The following OR52N2 variants were observed in gnomAD, a reference collection of about 807,000 sequenced individuals.
OR52N2 encodes the protein olfactory receptor family 52 subfamily N member 2, also known as olfactory receptor 52N2.
For synonymous variants in OR52N2, 129 were observed against 72.0 expected, an observed-to-expected ratio of 1.79 and a Z score of -4.01; for missense variants, 326 against 196.6, an observed-to-expected ratio of 1.66 and a Z score of -3.94.
chr11:5,815,030 G>A (rs995699639), intron 1 of OR52N2, among the ~76,000 whole-genome samples: 1 of 152,112 alleles, frequency 6.6e-6, no homozygotes, highest in Non-Finnish European at 1.5e-5. Flanking sequence ...GTACAGAAAT[G>A]AAGTTGGACT....
intron 1 of OR52N2, among the ~76,000 whole-genome samples, chr11:5,813,120 A>C (rs1454260104): frequency 6.6e-6 from 1 of 151,952 alleles, no homozygotes; most frequent in Non-Finnish European, 1.5e-5. Context: ...AAAATAATAA[A>C]GATCTCAAAT....
At chr11:5,817,319 A>G (rs564710487) in intron 1 of OR52N2, among the ~76,000 whole-genome samples, 1 of 152,276 alleles carries the variant, frequency 6.6e-6, no homozygotes, top group South Asian at 2.1e-4. Flanking sequence ...AGGTCAAAAT[A>G]TACAATTACT....
In OR52N2 at chr11:5,808,933, G is replaced by A. The variant is rs12363853; in HGVS notation, c.-176G>A. On this transcript the variant is annotated 5_prime_UTR_variant, in exon 1 of 2. Transcript: ENST00000317037. ...TGCACAGAGTTTACCTGGTCACCGC[G>A]GTATTGCAAGCCTCTCCTCCTCGCG... 0.11 allele frequency among the ~76,000 whole-genome samples: 16,223 copies of A among 152,004 alleles called. 1,080 individuals carry two copies. The highest frequency in any genetic ancestry group is 0.25 in the East Asian group (1,266 of 5,122).
At chr11:5,816,345 T>C (rs1448998120) in intron 1 of OR52N2, among the ~76,000 whole-genome samples, 3 of 152,182 alleles carry the variant, frequency 2.0e-5, no homozygotes, top group Non-Finnish European at 4.4e-5. Context: ...ATGTATATTT[T>C]ACTACACTAC....
At chr11:5,816,793 G>C (rs1404907440) in intron 1 of OR52N2, among the ~76,000 whole-genome samples, 1 of 152,082 alleles carries the variant, frequency 6.6e-6, no homozygotes, top group African/African-American at 2.4e-5. Context: ...TGGGATTATA[G>C]GTGTGAGCCA....
rs141215066 is a variant in OR52N2, at chr11:5,817,992, T to C, written c.-54-2290T>C. ...TGATGAAATGTGCACAAAATAATAC[T>C]AGCTGGAGATAGAAACAATGTATAC... On this transcript the variant is annotated intron_variant, in intron 1 of 1. Transcript: ENST00000317037. Among the ~76,000 whole-genome samples the C allele has an allele frequency of 1.3e-3, 193 of 152,294 alleles. 1 individual carries two copies. The highest frequency in any genetic ancestry group is 4.3e-3 in the African/African-American group (179 of 41,582).
At chr11:5,816,565 G>A (rs574732608) in intron 1 of OR52N2, among the ~76,000 whole-genome samples, 11 of 134,846 alleles carry the variant, frequency 8.2e-5, no homozygotes, top group Non-Finnish European at 1.3e-4. Flanking sequence ...TGAGAGACAC[G>A]GTCTCACTCT....
chr11:5,818,924 G>C (rs11039150), intron 1 of OR52N2, among the ~76,000 whole-genome samples: 69,280 of 151,992 alleles, frequency 0.46, 17,293 homozygotes, highest in Non-Finnish European at 0.56. Context: ...ATGAGATCCA[G>C]TCAGGTAGTA....
intron 1 of OR52N2, among the ~76,000 whole-genome samples, chr11:5,812,291 T>C (rs113261696): frequency 2.7e-5 from 4 of 147,156 alleles, no homozygotes; most frequent in South Asian, 2.1e-4. Context: ...TCAGGAGATC[T>C]AGACCATCCT....
chr11:5,813,111 AAAT>A (rs1165484615), intron 1 of OR52N2, among the ~76,000 whole-genome samples: 2 of 151,934 alleles, frequency 1.3e-5, no homozygotes, highest in African/African-American at 2.4e-5. Context: ...TACATCAAAA[AAAT>A]AATAAAGATC....
chr11:5,809,539 C>T (rs1264171278), intron 1 of OR52N2, among the ~76,000 whole-genome samples: 3 of 151,390 alleles, frequency 2.0e-5, no homozygotes, highest in South Asian at 4.2e-4. Flanking sequence ...GGCTGTTTTA[C>T]AGTAACTAAG....
intron 1 of OR52N2, among the ~76,000 whole-genome samples, chr11:5,811,671 A>AAAAACAACAAG (rs1422231128): frequency 6.6e-6 from 1 of 152,192 alleles, no homozygotes; most frequent in African/African-American, 2.4e-5. Flanking sequence ...AAAGAATGTA[A>AAAAACAACAAG]AAAACAACAA....
chr11:5,816,083 A>G (rs1386126156), intron 1 of OR52N2, among the ~76,000 whole-genome samples: 3 of 152,166 alleles, frequency 2.0e-5, no homozygotes, highest in Admixed American at 6.5e-5. Flanking sequence ...AAAAAGACAA[A>G]TATCATATGA....
chr11:5,818,056 G>A (rs188366471), intron 1 of OR52N2, among the ~76,000 whole-genome samples: 13 of 151,854 alleles, frequency 8.6e-5, no homozygotes, highest in South Asian at 6.2e-4. Context: ...TTGAAATATC[G>A]GAATATTATA....
intron 1 of OR52N2, among the ~76,000 whole-genome samples, 168 bp downstream of exon 1, chr11:5,809,222 G>A (rs1846332619): frequency 6.6e-6 from 1 of 152,184 alleles, no homozygotes; most frequent in Admixed American, 6.5e-5. Context: ...GTAGAAGGGT[G>A]CCACTCGCAT....
chr11:5,810,522 G>A (rs1846352297), intron 1 of OR52N2, among the ~76,000 whole-genome samples: 1 of 22,504 alleles, frequency 4.4e-5, no homozygotes, highest in Non-Finnish European at 2.5e-4. Context: ...TGTGTTATAA[G>A]TATGAGATGT....
rs1013459090 is a variant in OR52N2, at chr11:5,809,050, C to T, written c.-59C>T. ...CAACGGGGCATTGGAATGCGTCTCC[C>T]CTGGGTAGGATGACTGAAGATCCCT... is the stretch of plus-strand genomic sequence containing the variant. On this transcript the variant is annotated 5_prime_UTR_variant, in exon 1 of 2. Transcript: ENST00000317037. Among the ~76,000 whole-genome samples, 1 of 152,122 alleles carries T rather than the reference C, an allele frequency of 6.6e-6. No individual in the cohort carries two copies. The highest frequency in any genetic ancestry group is 6.5e-5 in the Admixed American group (1 of 15,270).
intron 1 of OR52N2, among the ~76,000 whole-genome samples, chr11:5,809,948 G>A (rs1846342072): frequency 6.6e-6 from 1 of 152,180 alleles, no homozygotes; most frequent in Non-Finnish European, 1.5e-5. Flanking sequence ...GTAAGTTTAA[G>A]GAAAGGAAGA....
At chr11:5,818,721 C>T (rs1846423748) in intron 1 of OR52N2, among the ~76,000 whole-genome samples, 1 of 152,114 alleles carries the variant, frequency 6.6e-6, no homozygotes, top group Non-Finnish European at 1.5e-5. Flanking sequence ...TTCTGGGTGG[C>T]TTCCACTGGA....
Sources: allele counts gnomAD v4.1 joint callset (sites outside exome capture counted in the v4.1 genomes callset), GRCh38; gene constraint gnomAD v4.1.1; transcripts MANE v1.5; gene names NCBI Gene and HGNC (gene_info 2026-07-23, HGNC 2026-07-21).